The following THRB variants were observed in gnomAD, a reference collection of about 807,000 sequenced individuals.
The protein encoded by THRB is nuclear receptor subfamily 1 group A member 2.
In THRB, 12 loss-of-function variants were observed where a neutral mutation model predicts 47.8. The ratio of observed to expected loss-of-function variants is 0.25; its 90% CI spans 0.16 to 0.41. THRB has a LOEUF of 0.41. Among genes scored for constraint, THRB ranks in the 10% least tolerant of loss-of-function variants. The pLI is 1.00. For missense variants in THRB, 348 were observed against 589.2 expected (o/e 0.59, Z 4.24); for synonymous variants, 218 against 212.2 (o/e 1.03, Z -0.24).
At chr3:24,448,590 C>T (rs1447179199) in intron 1 of THRB, among the ~76,000 whole-genome samples, 1 of 152,152 alleles carries the variant, frequency 6.6e-6, no homozygotes, top group Non-Finnish European at 1.5e-5. Flanking sequence ...TTGTATACCT[C>T]CCATCTTGAC....
intron 3 of THRB, among the ~76,000 whole-genome samples, chr3:24,279,370 A>G (rs1007688406): frequency 6.6e-6 from 1 of 152,006 alleles, no homozygotes; most frequent in African/African-American, 2.4e-5. Flanking sequence ...TCTCTCCTCA[A>G]GCATTGCAAT....
At position 24,129,797 on chromosome 3, in the gene THRB, C is replaced by T. The variant is rs1221704926; in HGVS notation, c.886-2040G>A. 2.0e-5 allele frequency among the ~76,000 whole-genome samples: 3 copies of T among 152,226 alleles called. No individual in the cohort carries two copies. The East Asian group carries it at 5.8e-4, about 29-fold the overall frequency. On this transcript the variant is annotated intron_variant, in intron 9 of 10. Transcript: ENST00000646209. Reference sequence around the variant, plus strand: ...CACTCAGGTTGACTGGCAAAGACGACAGGGCCCTGCACTCTAGGAGTGGTT... The same window carrying T: ...CACTCAGGTTGACTGGCAAAGACGATAGGGCCCTGCACTCTAGGAGTGGTT...
chr3:24,262,457 T>G (rs1219524668), intron 3 of THRB, among the ~76,000 whole-genome samples: 1 of 152,224 alleles, frequency 6.6e-6, no homozygotes, highest in East Asian at 1.9e-4. Context: ...CCTATCACAC[T>G]TGGGGTAAAA....
chr3:24,360,682 T>C (rs1192282704), intron 1 of THRB, among the ~76,000 whole-genome samples: 3 of 152,164 alleles, frequency 2.0e-5, no homozygotes. Flanking sequence ...AGTTCTATCA[T>C]GCAGCAAAAT....
intron 2 of THRB, among the ~76,000 whole-genome samples, chr3:24,322,822 C>CCCT (rs2058569456): frequency 6.6e-6 from 1 of 152,148 alleles, no homozygotes. Flanking sequence ...CATTTTATTG[C>CCCT]ATGGTCCTGC....
chr3:24,233,567 G>GAA (rs71057659), intron 3 of THRB, among the ~76,000 whole-genome samples: 3 of 135,714 alleles, frequency 2.2e-5, no homozygotes, highest in African/African-American at 8.4e-5. Flanking sequence ...AAGGAAGAAA[G>GAA]AAAGAAAGAA....
chr3:24,204,278 A>G (rs1259198577), intron 4 of THRB, among the ~76,000 whole-genome samples: 2 of 152,240 alleles, frequency 1.3e-5, no homozygotes, highest in African/African-American at 4.8e-5. Flanking sequence ...GACACCTCAC[A>G]TGGCTGGGTA....
chr3:24,283,264 C>T (rs2054832015), intron 3 of THRB, among the ~76,000 whole-genome samples: 1 of 152,148 alleles, frequency 6.6e-6, no homozygotes, highest in Non-Finnish European at 1.5e-5. Context: ...CCCTGGGATG[C>T]AAGGCTGGTT....
At chr3:24,135,042 G>A (rs1488691208) in intron 8 of THRB, among the ~76,000 whole-genome samples, 1 of 152,164 alleles carries the variant, frequency 6.6e-6, no homozygotes, top group Admixed American at 6.5e-5. Flanking sequence ...GATTCAGCAG[G>A]TCAGGGATGG....
At chr3:24,298,877 T>C (rs1219638186) in intron 2 of THRB, among the ~76,000 whole-genome samples, 7 of 152,224 alleles carry the variant, frequency 4.6e-5, no homozygotes, top group Non-Finnish European at 7.4e-5. Flanking sequence ...AAAAATTCAT[T>C]CCAAAATACT....
In THRB at chr3:24,488,414, T is replaced by C. The variant is rs56083972; in HGVS notation, c.-261+6238A>G. On this transcript the variant is annotated intron_variant, in intron 1 of 10. Transcript: ENST00000646209. ...GTGCATGTGTGCATATGATATGAAA[T>C]AAACTATAGATAGTATTTGTTAAAA... 7.1e-3 allele frequency among the ~76,000 whole-genome samples: 1,082 copies of C among 152,302 alleles called. 12 individuals carry two copies. Among genetic ancestry groups the C allele is most frequent in the African/African-American group, 0.02 (819 of 41,568 alleles).
chr3:24,417,248 T>C (rs2150244886), intron 1 of THRB, among the ~76,000 whole-genome samples: 1 of 151,980 alleles, frequency 6.6e-6, no homozygotes, highest in African/African-American at 2.4e-5. Flanking sequence ...AATTGTGTAT[T>C]TATGCAAGTA....
intron 1 of THRB, among the ~76,000 whole-genome samples, chr3:24,466,882 G>T (rs2074199846): frequency 6.6e-6 from 1 of 152,158 alleles, no homozygotes; most frequent in South Asian, 2.1e-4. Flanking sequence ...GAAGGTTGGG[G>T]TTGCTGTGGC....
intron 2 of THRB, among the ~76,000 whole-genome samples, chr3:24,300,965 T>A (rs978321307): frequency 6.6e-6 from 1 of 152,164 alleles, no homozygotes; most frequent in African/African-American, 2.4e-5. Flanking sequence ...TACATGAAAT[T>A]ATCCTGGCTT....
chr3:24,304,276 A>G (rs1263420255), intron 2 of THRB, among the ~76,000 whole-genome samples: 1 of 152,202 alleles, frequency 6.6e-6, no homozygotes, highest in Non-Finnish European at 1.5e-5. Context: ...TTAATAAAAT[A>G]TAAATCACAA....
chr3:24,384,674 A>T (rs1482082900), intron 1 of THRB, among the ~76,000 whole-genome samples: 1 of 152,174 alleles, frequency 6.6e-6, no homozygotes, highest in Non-Finnish European at 1.5e-5. Context: ...TCACTTGAAT[A>T]GGAAGAGTTC....
intron 10 of THRB, among the ~76,000 whole-genome samples, chr3:24,125,747 C>T (rs2032640272): frequency 6.6e-6 from 1 of 152,170 alleles, no homozygotes; most frequent in South Asian, 2.1e-4. Context: ...ATGAAGCTGG[C>T]ACGGAGAGTC....
At chr3:24,238,607 G>T (rs774579735) in intron 3 of THRB, among the ~76,000 whole-genome samples, 26 of 152,118 alleles carry the variant, frequency 1.7e-4, no homozygotes, top group Non-Finnish European at 3.1e-4. Context: ...TTGACCCCTT[G>T]ATAGTATCAT....
At chr3:24,152,591 AG>A in intron 5 of THRB, 101 bp from the exon 6 acceptor site, 1 of 722,950 alleles carries the variant, frequency 1.4e-6, no homozygotes, top group Non-Finnish European at 2.5e-6. Context: ...TTGGCTTGCC[AG>A]GAAGAGGTAA....
Sources: allele counts gnomAD v4.1 joint callset (sites outside exome capture counted in the v4.1 genomes callset), GRCh38; gene constraint gnomAD v4.1.1; transcripts MANE v1.5; gene names NCBI Gene and HGNC (gene_info 2026-07-23, HGNC 2026-07-21).